The following PROX1 variants were observed in gnomAD, a reference collection of about 807,000 sequenced individuals.
PROX1 encodes prospero homeobox 1, also known as prospero homeobox protein 1.
A neutral mutation model predicts 58.8 loss-of-function variants in PROX1; 7 were observed. The ratio of observed to expected loss-of-function variants is 0.12; its 90% confidence interval spans 0.07 to 0.22. The LOEUF is 0.22. Among genes scored for constraint, PROX1 ranks in the 10% least tolerant of loss-of-function variants. PROX1 has a pLI of 1.00. For synonymous variants in PROX1, 350 were observed against 358.3 expected (o/e 0.98, Z 0.26); for missense variants, 675 against 927.8 (o/e 0.73, Z 3.54).
chr1:213,999,070 A>C (rs1289689517), intron 2 of PROX1, among the ~76,000 whole-genome samples: 1 of 152,234 alleles, frequency 6.6e-6, no homozygotes, highest in Non-Finnish European at 1.5e-5. Flanking sequence ...GAGCACAATT[A>C]AATATAAAAC....
chr1:214,001,733 T>C (rs1444514327), intron 2 of PROX1, among the ~76,000 whole-genome samples: 1 of 152,204 alleles, frequency 6.6e-6, no homozygotes, highest in Non-Finnish European at 1.5e-5. Context: ...ATTGATCTTA[T>C]ACATTTTTAG....
chr1:214,041,500 C>CTT lies in PROX1; in HGVS notation c.*5667_*5668dup, dbSNP rs1387578317. On this transcript the variant is annotated 3_prime_UTR_variant, in exon 5 of 5. Transcript: ENST00000366958. The stretch of plus-strand genomic sequence containing the variant: ...GGCTTAACTTTATTTAGCCCTGAAA[C>CTT]TTAAAAAAAAAAAAAAAAGCTTTAG... 7.2e-6 allele frequency: 1 copy of CTT among 139,578 alleles called. No individual in the cohort carries two copies. The highest frequency in any genetic ancestry group is 1.5e-5 in the Non-Finnish European group (1 of 64,636). 8.6% of individuals were successfully genotyped at this position (139,578 alleles called of 1,614,324 possible).
At chr1:214,033,594 T>A (rs896336158) in intron 4 of PROX1, among the ~76,000 whole-genome samples, 1 of 152,162 alleles carries the variant, frequency 6.6e-6, no homozygotes, top group Non-Finnish European at 1.5e-5. Flanking sequence ...CAAAACTCCA[T>A]CTCAAATAAA....
chr1:214,014,253 C>T (rs1472692795), intron 4 of PROX1, among the ~76,000 whole-genome samples: 1 of 152,198 alleles, frequency 6.6e-6, no homozygotes, highest in Non-Finnish European at 1.5e-5. Context: ...GTGTGCACGG[C>T]TTTACTTTTG....
At position 214,002,412 on chromosome 1, in the gene PROX1, C is replaced by CTT. The variant is rs774337530; in HGVS notation, c.1726-2738_1726-2737dup. On this transcript the variant is annotated intron_variant, in intron 2 of 4. Coordinates refer to ENST00000366958, the MANE Select transcript of PROX1 (RefSeq NM_001270616.2). ...ATCTTTTCTTTTTTTTTTCTTTTTT[C>CTT]TTTTTTTTTTTTTTTTACACCTGGC... Among the ~76,000 whole-genome samples the CTT allele has an allele frequency of 6.1e-3, 704 of 116,360 alleles. 13 individuals are homozygous for CTT. The highest frequency in any genetic ancestry group is 0.019 in the African/African-American group (570 of 30,096). 76.3% of individuals were successfully genotyped at this position (116,360 alleles called of 152,430 possible).
chr1:213,999,263 T>G (rs755048891), intron 2 of PROX1, among the ~76,000 whole-genome samples: 3 of 152,206 alleles, frequency 2.0e-5, no homozygotes, highest in Non-Finnish European at 4.4e-5. Context: ...TTAAAAATCT[T>G]GTGGTCGTTG....
intron 4 of PROX1, among the ~76,000 whole-genome samples, chr1:214,020,898 G>A (rs1179342313): frequency 6.6e-6 from 1 of 152,184 alleles, no homozygotes; most frequent in Non-Finnish European, 1.5e-5. Flanking sequence ...TCTGTTAAGG[G>A]TTAAAGAAAA....
chr1:214,007,205 G>GACTC, intron 3 of PROX1, among the ~76,000 whole-genome samples: 1 of 152,256 alleles, frequency 6.6e-6, no homozygotes, highest in South Asian at 2.1e-4. Context: ...AATAACCACT[G>GACTC]ACTCTGTGTA....
intron 1 of PROX1, among the ~76,000 whole-genome samples, chr1:213,990,119 T>C (rs1380188800): frequency 7.9e-6 from 1 of 126,196 alleles, no homozygotes; most frequent in Non-Finnish European, 1.6e-5. Context: ...TTTCCACTCA[T>C]GCCCTCCCTT....
chr1:213,992,652 A>G (rs1663078252), intron 1 of PROX1, among the ~76,000 whole-genome samples: 1 of 152,166 alleles, frequency 6.6e-6, no homozygotes, highest in Non-Finnish European at 1.5e-5. Flanking sequence ...TTATCAACAA[A>G]GACAGATCAT....
At chr1:214,023,354 T>TTTA (rs1187199931) in intron 4 of PROX1, among the ~76,000 whole-genome samples, 5 of 152,060 alleles carry the variant, frequency 3.3e-5, no homozygotes, top group African/African-American at 1.2e-4. Flanking sequence ...TTTTTATTCT[T>TTTA]TTATTTTTTT....
chr1:214,033,765 G>C (rs972920046), intron 4 of PROX1, among the ~76,000 whole-genome samples: 1 of 152,170 alleles, frequency 6.6e-6, no homozygotes, highest in African/African-American at 2.4e-5. Flanking sequence ...ATCTTTGGGG[G>C]TGGAGGTGAC....
chr1:214,021,682 T>C (rs1664285430), intron 4 of PROX1, among the ~76,000 whole-genome samples: 1 of 152,252 alleles, frequency 6.6e-6, no homozygotes, highest in South Asian at 2.1e-4. Flanking sequence ...TGGGACTTTT[T>C]TGATTACCCC....
intron 4 of PROX1, among the ~76,000 whole-genome samples, chr1:214,013,878 G>A (rs1328066394): frequency 6.6e-6 from 1 of 152,090 alleles, no homozygotes; most frequent in Non-Finnish European, 1.5e-5. Context: ...GACAGTTATT[G>A]GACTATTCTG....
chr1:213,995,948 G>C (rs1019701273), intron 1 of PROX1, among the ~76,000 whole-genome samples: 1 of 152,116 alleles, frequency 6.6e-6, no homozygotes, highest in East Asian at 1.9e-4. Flanking sequence ...AAGAATAAAA[G>C]CTCTCTATTA....
At chr1:214,014,302 C>G (rs564191434) in intron 4 of PROX1, among the ~76,000 whole-genome samples, 1 of 152,276 alleles carries the variant, frequency 6.6e-6, no homozygotes, top group South Asian at 2.1e-4. Flanking sequence ...TAAAATGAAC[C>G]TATAGTTTAA....
chr1:213,997,033 C>T lies in PROX1; in HGVS notation c.498C>T (p.Arg166=), dbSNP rs750828277. 5.6e-6 allele frequency: 9 copies of T among 1,613,874 alleles called. No homozygotes were observed. Among genetic ancestry groups the T allele is most frequent in the African/African-American group, 2.7e-5 (2 of 74,862 alleles). ...GTGATGAGCACCTGAGAGCAAAGCGCGCCCGGGTTGAGAATATAATTCGGG... is the reference window on the plus strand; with the variant it reads ...GTGATGAGCACCTGAGAGCAAAGCGTGCCCGGGTTGAGAATATAATTCGGG... ...RLCDEHLRAK[R]ARVENIIRGM... The change falls in exon 2 of 5, where the codon CGC becomes CGT. Residue 166 remains arginine, a synonymous_variant. Coordinates refer to ENST00000366958, the MANE Select transcript of PROX1 (RefSeq NM_001270616.2). This position sits in a 1 kb window ranked among gnomAD's most constrained non-coding sequence, Gnocchi z 7.1.
At position 213,998,213 on chromosome 1, in the gene PROX1, G is replaced by A. The variant is rs1253863076; in HGVS notation, c.1678G>A (p.Gly560Ser). ...CTTGTCGCTCATAAAGTCCGAGTGC[G>A]GCGATCTTCAAGATATGTCTGAAAT... The part of the protein sequence containing the change: ...LSLSLIKSEC[G>S]DLQDMSEISP... The change falls in exon 2 of 5, where the codon GGC (glycine) becomes AGC (serine). Residue 560 changes from glycine to serine, a missense_variant. This residue lies in a region of PROX1 where 39 missense variants were observed against 73.4 expected (regional missense o/e 0.53). Coordinates refer to ENST00000366958, the MANE Select transcript of PROX1 (RefSeq NM_001270616.2). The A allele has an allele frequency of 1.9e-6, 3 of 1,602,042 alleles. No homozygotes were observed. The highest frequency in any genetic ancestry group is 1.1e-5 in the South Asian group (1 of 89,826).
rs1663297307 is a variant in PROX1, at chr1:213,997,143, G to A, written c.608G>A (p.Ser203Asn). 6.2e-7 allele frequency: 1 copy of A among 1,613,470 alleles called. No homozygotes were observed. The highest frequency in any genetic ancestry group is 8.5e-7 in the Non-Finnish European group (1 of 1,179,838). ...MAPQSVSPRESYRENKRKQKL... is the reference protein window; with the variant it reads ...MAPQSVSPRENYRENKRKQKL... ...CCGCAGTCTGTGAGTCCCCGAGAAA[G>A]TTACAGAGAAAACAAACGCAAGCAA... Residue 203 changes from serine (S) to asparagine (N), a missense_variant, in exon 2 of 5, where the codon AGT (serine) becomes AAT (asparagine). Physicochemically the swap from Ser to Asn is conservative, Grantham distance 46. This residue lies in a region of PROX1 where 403 missense variants were observed against 477.4 expected (regional missense o/e 0.84). Transcript: ENST00000366958. The surrounding 1 kb of genome is among the most constrained non-coding windows in gnomAD (Gnocchi z 7.1).
Sources: allele counts gnomAD v4.1 joint callset (sites outside exome capture counted in the v4.1 genomes callset), GRCh38; gene constraint gnomAD v4.1.1; regional missense constraint gnomAD v4.1.1; non-coding constraint Gnocchi (gnomAD v3.1); transcripts MANE v1.5; gene names NCBI Gene and HGNC (gene_info 2026-07-23, HGNC 2026-07-21).